Variants in ZPBP observed in about 807,000 individuals in gnomAD.
The protein encoded by ZPBP is zona pellucida binding protein, also known as zona pellucida-binding protein 1.
In ZPBP, 26 loss-of-function variants were observed where a neutral mutation model predicts 44.8. The observed-to-expected ratio is 0.58, with a 90% CI of 0.43 to 0.81. The LOEUF is 0.81. Among genes scored for constraint, ZPBP ranks in the 30% least tolerant of loss-of-function variants. The pLI, the probability that ZPBP is intolerant of heterozygous loss-of-function variation, is 0.00. For synonymous variants in ZPBP, 174 were observed against 153.2 expected (o/e 1.14, Z -1.00); for missense variants, 409 against 434.0 (o/e 0.94, Z 0.51).
chr7:50,081,540 T>C (rs934344899), intron 3 of ZPBP, among the ~76,000 whole-genome samples: 2 of 151,824 alleles, frequency 1.3e-5, no homozygotes, highest in South Asian at 2.1e-4. Flanking sequence ...TGGGGGATTA[T>C]AGATGCTTTG....
intron 7 of ZPBP, among the ~76,000 whole-genome samples, chr7:49,942,033 T>C (rs952809472): frequency 2.6e-5 from 4 of 152,058 alleles, no homozygotes; most frequent in Non-Finnish European, 5.9e-5. Context: ...TTTCACCCAA[T>C]GGTATTGGGA....
chr7:49,961,737 G>C (rs2128764799), intron 7 of ZPBP, among the ~76,000 whole-genome samples: 1 of 151,998 alleles, frequency 6.6e-6, no homozygotes, highest in East Asian at 1.9e-4. Context: ...TTTTTAATTA[G>C]GATAAAAAAT....
intron 7 of ZPBP, among the ~76,000 whole-genome samples, chr7:49,956,299 T>C (rs1279519407): frequency 6.6e-6 from 1 of 152,154 alleles, no homozygotes; most frequent in East Asian, 1.9e-4. Context: ...ATGGTATAAA[T>C]CTAAAGCAGT....
chr7:50,043,867 C>A (rs1270913315), intron 4 of ZPBP, among the ~76,000 whole-genome samples: 1 of 152,128 alleles, frequency 6.6e-6, no homozygotes, highest in Admixed American at 6.6e-5. Flanking sequence ...AATATACATC[C>A]TTCTCAGCAC....
downstream of ZPBP, among the ~76,000 whole-genome samples, chr7:49,848,358 C>A (rs538595370): frequency 6.6e-6 from 1 of 152,332 alleles, no homozygotes; most frequent in South Asian, 2.1e-4. Flanking sequence ...GTCCTGCTCC[C>A]CACTGACAAG....
chr7:50,046,462 T>A (rs116988974), intron 4 of ZPBP, among the ~76,000 whole-genome samples: 74,529 of 149,420 alleles, frequency 0.5, 19,093 homozygotes, highest in East Asian at 0.67. Context: ...AAAAAAAAAA[T>A]GGCCATCAAA....
chr7:50,060,790 G>A lies in ZPBP; in HGVS notation c.335-2649C>T, dbSNP rs755636097. ...CTATCCCAAAAAATTGAGGAGGATC[G>A]ACTCTTTCCTAGCTCATTCTATGAG... On this transcript the variant is annotated intron_variant, in intron 3 of 7. Transcript: ENST00000046087. Among the ~76,000 whole-genome samples, 8 of 152,268 alleles carry A rather than the reference G, an allele frequency of 5.3e-5. No individual in the cohort carries two copies. The South Asian group carries it at 1.2e-3, about 24-fold the overall frequency.
chr7:49,865,848 A>C (rs1380421641), intron 2 of ZPBP, among the ~76,000 whole-genome samples: 4 of 152,220 alleles, frequency 2.6e-5, no homozygotes, highest in Admixed American at 1.3e-4. Flanking sequence ...TCAGTCTCAA[A>C]GTCCGGATGT....
intron 2 of ZPBP, among the ~76,000 whole-genome samples, chr7:49,874,001 G>A (rs1791290075): frequency 6.6e-6 from 1 of 151,870 alleles, no homozygotes; most frequent in South Asian, 2.1e-4. Context: ...TATATTGTTT[G>A]GAGTGTGTGT....
At chr7:49,995,304 G>T (rs1021605311) in intron 6 of ZPBP, among the ~76,000 whole-genome samples, 3 of 152,204 alleles carry the variant, frequency 2.0e-5, no homozygotes, top group South Asian at 4.1e-4. Flanking sequence ...AGGACACTGA[G>T]GGTGTATTGC....
intron 4 of ZPBP, among the ~76,000 whole-genome samples, chr7:50,056,943 T>C (rs947997881): frequency 1.3e-5 from 2 of 151,982 alleles, no homozygotes; most frequent in African/African-American, 2.4e-5. Flanking sequence ...CCCAGCACTT[T>C]GGGAGGCCAA....
chr7:50,004,750 T>C (rs1798232038), intron 6 of ZPBP, among the ~76,000 whole-genome samples: 1 of 151,886 alleles, frequency 6.6e-6, no homozygotes, highest in African/African-American at 2.4e-5. Flanking sequence ...TTAGCATCTG[T>C]GGAGGAAAAA....
intron 5 of ZPBP, among the ~76,000 whole-genome samples, chr7:50,029,786 A>C (rs6583416): frequency 0.77 from 116,925 of 151,930 alleles, 45,081 homozygotes; most frequent in East Asian, 0.87. Flanking sequence ...TATTGGAAAT[A>C]ATCTCTTTAA....
At chr7:50,050,932 A>T (rs1049190537) in intron 4 of ZPBP, among the ~76,000 whole-genome samples, 1 of 152,140 alleles carries the variant, frequency 6.6e-6, no homozygotes, top group Non-Finnish European at 1.5e-5. Flanking sequence ...AAAAATTGAC[A>T]AATGGGATCT....
At chr7:49,888,807 G>C (rs1190217148) in intron 2 of ZPBP, among the ~76,000 whole-genome samples, 2 of 152,074 alleles carry the variant, frequency 1.3e-5, no homozygotes, top group African/African-American at 4.8e-5. Flanking sequence ...GCTACTTTGG[G>C]GGCCGAGGCA....
intron 1 of ZPBP, among the ~76,000 whole-genome samples, chr7:49,907,323 C>T (rs973553830): frequency 2.0e-5 from 3 of 151,998 alleles, no homozygotes; most frequent in African/African-American, 2.4e-5. Context: ...ACTCTATATG[C>T]CAGTGATAAT....
At chr7:50,049,454 T>C (rs1426129103) in intron 4 of ZPBP, among the ~76,000 whole-genome samples, 1 of 151,884 alleles carries the variant, frequency 6.6e-6, no homozygotes, top group Non-Finnish European at 1.5e-5. Context: ...AAAAAAATCA[T>C]ACACCATGAC....
chr7:50,044,950 C>T (rs1178775922), intron 4 of ZPBP, among the ~76,000 whole-genome samples: 1 of 152,200 alleles, frequency 6.6e-6, no homozygotes, highest in Non-Finnish European at 1.5e-5. Flanking sequence ...GCTTATCCAC[C>T]ACGATCAAGT....
At chr7:50,016,878 A>C (rs1483409069) in intron 6 of ZPBP, among the ~76,000 whole-genome samples, 1 of 152,184 alleles carries the variant, frequency 6.6e-6, no homozygotes. Flanking sequence ...CAAGAGTTAA[A>C]AAGAAGAAAA....
Sources: allele counts gnomAD v4.1 joint callset (sites outside exome capture counted in the v4.1 genomes callset), GRCh38; gene constraint gnomAD v4.1.1; transcripts MANE v1.5; gene names NCBI Gene and HGNC (gene_info 2026-07-23, HGNC 2026-07-21).